Variants in GLRA3 observed in about 807,000 individuals in gnomAD.
GLRA3 encodes the protein glycine receptor alpha 3, also known as glycine receptor subunit alpha-3.
A neutral mutation model predicts 60.4 loss-of-function variants in GLRA3; 44 were observed. The observed-to-expected ratio is 0.73, with a 90% CI of 0.57 to 0.94. GLRA3 has a LOEUF of 0.94. Among genes scored for constraint, GLRA3 ranks in the 40% least tolerant of loss-of-function variants. The pLI, the probability that GLRA3 is intolerant of heterozygous loss-of-function variation, is 0.00. For missense variants in GLRA3, 508 were observed against 564.6 expected (o/e 0.90, Z 1.02); for synonymous variants, 223 against 192.9 (o/e 1.16, Z -1.29).
Position 174,642,606 on chromosome 4 carries a change from T to C in GLRA3, c.*1180A>G. 2.2e-6 allele frequency: 2 copies of C among 922,446 alleles called. No homozygotes were observed. The highest frequency in any genetic ancestry group is 2.6e-6 in the Non-Finnish European group (2 of 772,560). 57.1% of individuals were successfully genotyped at this position (922,446 alleles called of 1,614,324 possible). On this transcript the variant is annotated 3_prime_UTR_variant, in exon 10 of 10. Coordinates refer to ENST00000274093, the MANE Select transcript of GLRA3 (RefSeq NM_006529.4). ...CATGGGGTCATTGAAAAATTTTATG[T>C]AAAAATTTCATTTAAAATTATTCAC...
chr4:174,738,942 C>T (rs1422839993), intron 3 of GLRA3, among the ~76,000 whole-genome samples: 4 of 152,202 alleles, frequency 2.6e-5, no homozygotes, highest in Admixed American at 6.5e-5. Context: ...ATTATTTTCT[C>T]TCAGGGACTA....
intron 1 of GLRA3, among the ~76,000 whole-genome samples, chr4:174,802,353 A>T (rs1045881514): frequency 5.9e-5 from 9 of 152,046 alleles, no homozygotes; most frequent in African/African-American, 2.2e-4. Context: ...ACCTGCCATC[A>T]GTTCTCCCAG....
chr4:174,706,724 T>C (rs978731275), intron 5 of GLRA3, among the ~76,000 whole-genome samples: 1 of 152,122 alleles, frequency 6.6e-6, no homozygotes, highest in Non-Finnish European at 1.5e-5. Context: ...AGCATGAAGA[T>C]GTTTGCAGAT....
chr4:174,795,431 A>C (rs1256615770), intron 1 of GLRA3, among the ~76,000 whole-genome samples: 9 of 152,190 alleles, frequency 5.9e-5, no homozygotes, highest in Non-Finnish European at 1.3e-4. Context: ...CATGGCACTT[A>C]AAATTAATAA....
intron 4 of GLRA3, among the ~76,000 whole-genome samples, chr4:174,721,885 A>G (rs1055369526): frequency 3.3e-5 from 5 of 151,386 alleles, no homozygotes; most frequent in Non-Finnish European, 7.4e-5. Flanking sequence ...GTGTATATAT[A>G]TATGTGTGTG....
intron 1 of GLRA3, among the ~76,000 whole-genome samples, chr4:174,792,230 A>G (rs560492911): frequency 7.2e-5 from 11 of 152,282 alleles, no homozygotes; most frequent in African/African-American, 2.4e-4. Context: ...GGCTAATGCA[A>G]CAGAAATTAA....
At chr4:174,775,360 ATGT>A (rs568731667) in intron 2 of GLRA3, among the ~76,000 whole-genome samples, 240 of 152,314 alleles carry the variant, frequency 1.6e-3, no homozygotes, top group African/African-American at 5.1e-3. Flanking sequence ...CTTGGCATGG[ATGT>A]TGTTGTAGAA....
intron 5 of GLRA3, among the ~76,000 whole-genome samples, chr4:174,692,994 T>C (rs559201688): frequency 6.6e-6 from 1 of 152,210 alleles, no homozygotes; most frequent in South Asian, 2.1e-4. Flanking sequence ...TGCCCACTTC[T>C]TAATGGGGTT....
chr4:174,755,447 T>C (rs1449387831), intron 3 of GLRA3, among the ~76,000 whole-genome samples: 1 of 152,052 alleles, frequency 6.6e-6, no homozygotes, highest in Admixed American at 6.5e-5. Context: ...CATTGAAGTA[T>C]GACAAATTAG....
intron 2 of GLRA3, among the ~76,000 whole-genome samples, chr4:174,783,527 C>T (rs995231084): frequency 7.2e-6 from 1 of 139,648 alleles, no homozygotes; most frequent in African/African-American, 2.7e-5. Context: ...TCAGAGTGAA[C>T]AGGCAACCTA....
chr4:174,788,048 T>A lies in GLRA3; in HGVS notation c.199+768A>T, dbSNP rs188903127. 3.3e-5 allele frequency among the ~76,000 whole-genome samples: 5 copies of A among 151,958 alleles called. No individual in the cohort carries two copies. In the East Asian group the frequency reaches 9.8e-4, roughly 30 times the overall value. On this transcript the variant is annotated intron_variant, in intron 2 of 9. Transcript: ENST00000274093. The stretch of plus-strand genomic sequence containing the variant: ...AATGAAACAGCTTAACTGAATCCCA[T>A]GAAAAAAGTGTATGTTCTTTAACTT...
At chr4:174,754,194 G>T (rs923630731) in intron 3 of GLRA3, among the ~76,000 whole-genome samples, 2 of 152,096 alleles carry the variant, frequency 1.3e-5, no homozygotes, top group African/African-American at 4.8e-5. Context: ...ATTAAGCAGA[G>T]ATTTATTCAT....
At chr4:174,688,442 T>C (rs1276784228) in intron 5 of GLRA3, among the ~76,000 whole-genome samples, 8 of 149,304 alleles carry the variant, frequency 5.4e-5, no homozygotes, top group Non-Finnish European at 7.4e-5. Flanking sequence ...CTAGAATTTA[T>C]TCTTTATAGA....
At chr4:174,655,920 C>T (rs1448651780) in intron 9 of GLRA3, among the ~76,000 whole-genome samples, 4 of 152,082 alleles carry the variant, frequency 2.6e-5, no homozygotes, top group African/African-American at 9.7e-5. Context: ...AACATTAAGT[C>T]TCTTGCAGAG....
At chr4:174,772,397 T>C in intron 2 of GLRA3, among the ~76,000 whole-genome samples, 1 of 152,118 alleles carries the variant, frequency 6.6e-6, no homozygotes, top group East Asian at 1.9e-4. Context: ...CTCCACCTGG[T>C]TATAACATGT....
At chr4:174,704,198 G>A (rs1364082352) in intron 5 of GLRA3, among the ~76,000 whole-genome samples, 1 of 143,402 alleles carries the variant, frequency 7.0e-6, no homozygotes, top group Non-Finnish European at 1.5e-5. Context: ...GGGAAGCTGA[G>A]GTGGGAGGAT....
chr4:174,758,747 A>G (rs1230910770), intron 3 of GLRA3, among the ~76,000 whole-genome samples: 2 of 152,130 alleles, frequency 1.3e-5, no homozygotes, highest in African/African-American at 2.4e-5. Flanking sequence ...AATTCTCTGT[A>G]CTGCCTTTGC....
At chr4:174,651,232 C>T (rs550595297) in intron 9 of GLRA3, among the ~76,000 whole-genome samples, 1 of 152,158 alleles carries the variant, frequency 6.6e-6, no homozygotes, top group Admixed American at 6.6e-5. Context: ...TCCCATCTGC[C>T]CAGAGAGCAA....
intron 1 of GLRA3, among the ~76,000 whole-genome samples, chr4:174,818,531 G>T (rs1740601755): frequency 6.6e-6 from 1 of 152,076 alleles, no homozygotes; most frequent in Non-Finnish European, 1.5e-5. Context: ...ACCAGCAAAG[G>T]TCTGCAGCAG....
Sources: gnomAD v4.1 joint callset for allele counts (sites outside exome capture counted in the v4.1 genomes callset) on GRCh38, gnomAD v4.1.1 for gene constraint, MANE v1.5 for transcripts, NCBI Gene and HGNC (gene_info 2026-07-23, HGNC 2026-07-21) for gene names.